The following CCDC62 variants were observed in gnomAD, a reference collection of about 807,000 sequenced individuals.
The protein encoded by CCDC62 is coiled-coil domain-containing protein 62.
In CCDC62, 72 loss-of-function variants were observed where a neutral mutation model predicts 80.8. The observed-to-expected ratio is 0.89, with a 90% CI of 0.74 to 1.08. CCDC62 has a LOEUF of 1.08. CCDC62 is among the 50% of genes least tolerant of loss of function. The pLI is 0.00. For synonymous variants in CCDC62, 286 were observed against 296.5 expected (o/e 0.96, Z 0.36); for missense variants, 704 against 809.4 (o/e 0.87, Z 1.58).
chr12:122,823,486 T>G lies in CCDC62; in HGVS notation c.*40+27T>G, dbSNP rs1158927467. ...TAAGTCACCTTTGCTTATCTCACCT[T>G]ATATCTCAATTAATATTTAATAAGT... is the stretch of plus-strand genomic sequence containing the variant. On this transcript the variant is annotated intron_variant, in intron 12 of 12. Coordinates refer to ENST00000253079, the MANE Select transcript of CCDC62 (RefSeq NM_201435.5). 2.9e-6 allele frequency: 3 copies of G among 1,037,256 alleles called. No individual in the cohort carries two copies. In the Admixed American group the frequency reaches 5.4e-5, roughly 19 times the overall value. 64.3% of individuals were successfully genotyped at this position (1,037,256 alleles called of 1,614,324 possible). A position where few individuals can be genotyped will look rare whatever the true frequency, so the allele number is the denominator to read the frequency against.
rs55716280 is a variant in CCDC62 at position 122,813,355 on chromosome 12, C to T, written c.1937C>T (p.Thr646Met). Residue 646 changes from threonine (T) to methionine (M), a missense_variant, in exon 11 of 13, where the codon ACG (threonine) becomes ATG (methionine). Thr to Met is a moderately conservative substitution (Grantham distance 81, BLOSUM62 -1). Coordinates refer to ENST00000253079, the MANE Select transcript of CCDC62 (RefSeq NM_201435.5). ...RLLAESRQMVTDLELSTLLPI... is the reference protein window; with the variant it reads ...RLLAESRQMVMDLELSTLLPI... ...CTGGCGGAATCTCGTCAGATGGTGA[C>T]GGACCTGGAGCTGAGCACACTGCTG... 40,941 of 1,613,758 alleles carry T rather than the reference C, an allele frequency of 0.025. 755 individuals carry two copies. The highest frequency in any genetic ancestry group is 0.053 in the South Asian group (4,836 of 91,046).
chr12:122,793,411 G>C (rs1423724142), intron 6 of CCDC62, among the ~76,000 whole-genome samples: 1 of 152,092 alleles, frequency 6.6e-6, no homozygotes, highest in African/African-American at 2.4e-5. Context: ...ATGTCAACAA[G>C]CTCTCTATGT....
chr12:122,777,217 T>G (rs1036248291), intron 1 of CCDC62: 1 of 316,786 alleles, frequency 3.2e-6, no homozygotes, highest in Non-Finnish European at 5.9e-6. Flanking sequence ...AGAAATAGGT[T>G]TATTTGTTTA....
chr12:122,806,421 T>G, intron 10 of CCDC62, 126 bp downstream of exon 10: 1 of 621,278 alleles, frequency 1.6e-6, no homozygotes, highest in Non-Finnish European at 2.6e-6. Context: ...TTTTTTTTTT[T>G]TTAATTCTAG....
chr12:122,798,264 C>A (rs76762460), intron 8 of CCDC62, 64 bp downstream of exon 8: 1 of 833,196 alleles, frequency 1.2e-6, no homozygotes, highest in Non-Finnish European at 2.1e-6. Flanking sequence ...GTATTTACTG[C>A]GCACTTACTG....
At chr12:122,786,350 G>A (rs2030232070) in intron 4 of CCDC62, among the ~76,000 whole-genome samples, 1 of 151,738 alleles carries the variant, frequency 6.6e-6, no homozygotes, top group South Asian at 2.1e-4. Context: ...GGGTTTCACC[G>A]TGTTAGCCAG....
At chr12:122,781,469 T>TGCCTC in intron 3 of CCDC62, 139 bp downstream of exon 3, 1 of 722,668 alleles carries the variant, frequency 1.4e-6, no homozygotes, top group Non-Finnish European at 2.3e-6. Flanking sequence ...GTGGATCACC[T>TGCCTC]GAGGTCAGGA....
intron 10 of CCDC62, among the ~76,000 whole-genome samples, chr12:122,812,654 GGA>G (rs1271479098): frequency 1.2e-4 from 11 of 94,362 alleles, no homozygotes; most frequent in South Asian, 3.4e-4. Context: ...TGAGGTGGGT[GGA>G]GCTTGAAGTG....
At chr12:122,807,874 CTT>C (rs1244819495) in intron 10 of CCDC62, among the ~76,000 whole-genome samples, 1 of 152,094 alleles carries the variant, frequency 6.6e-6, no homozygotes, top group Non-Finnish European at 1.5e-5. Flanking sequence ...TTGTGTCCCT[CTT>C]GTTTCTTTCA....
chr12:122,797,109 C>T (rs11837509), intron 6 of CCDC62, among the ~76,000 whole-genome samples, 198 bp from the exon 7 acceptor site: 7 of 152,024 alleles, frequency 4.6e-5, no homozygotes, highest in African/African-American at 1.7e-4. Flanking sequence ...AACTCTTGAC[C>T]TCAAGTGGTC....
chr12:122,808,399 G>A (rs1031797646), intron 10 of CCDC62, among the ~76,000 whole-genome samples: 4 of 152,130 alleles, frequency 2.6e-5, no homozygotes, highest in Non-Finnish European at 4.4e-5. Flanking sequence ...TGTTTCTGGT[G>A]TGCTAGATAA....
At chr12:122,804,426 G>A (rs1266504352) in intron 9 of CCDC62, among the ~76,000 whole-genome samples, 1 of 152,156 alleles carries the variant, frequency 6.6e-6, no homozygotes, top group Non-Finnish European at 1.5e-5. Context: ...GGTGGAGGTT[G>A]CAGTGACCCA....
At chr12:122,820,137 C>T (rs1333445314) in intron 11 of CCDC62, among the ~76,000 whole-genome samples, 1 of 144,066 alleles carries the variant, frequency 6.9e-6, no homozygotes, top group Non-Finnish European at 1.5e-5. Context: ...TGCACAAAGA[C>T]ACAGTGGAAA....
chr12:122,807,947 T>C (rs75477977), intron 10 of CCDC62, among the ~76,000 whole-genome samples: 249 of 152,338 alleles, frequency 1.6e-3, no homozygotes, highest in African/African-American at 5.5e-3. Context: ...TTCCTTTTTG[T>C]TGCTGACAAG....
chr12:122,775,673 C>A (rs779021304), intron 1 of CCDC62, among the ~76,000 whole-genome samples: 3 of 152,152 alleles, frequency 2.0e-5, no homozygotes, highest in Non-Finnish European at 4.4e-5. Flanking sequence ...AGTACAGTGA[C>A]GCAATGTCGG....
intron 11 of CCDC62, among the ~76,000 whole-genome samples, chr12:122,818,733 G>A (rs2032276899): frequency 1.3e-5 from 2 of 152,034 alleles, no homozygotes; most frequent in Non-Finnish European, 2.9e-5. Flanking sequence ...GACCAGCCTG[G>A]GCAAGATAGT....
chr12:122,805,166 T>A (rs1012055240), intron 9 of CCDC62, among the ~76,000 whole-genome samples: 1 of 146,528 alleles, frequency 6.8e-6, no homozygotes, highest in African/African-American at 2.5e-5. Context: ...ATTACAGGCA[T>A]GAGTCACCGC....
intron 4 of CCDC62, among the ~76,000 whole-genome samples, chr12:122,786,147 TTTTG>T (rs1346376931): frequency 1.3e-5 from 2 of 152,100 alleles, no homozygotes; most frequent in African/African-American, 4.8e-5. Flanking sequence ...GAGAGGTTTT[TTTTG>T]TTTTGTTTTG....
At position 122,826,208 on chromosome 12, in the gene CCDC62, G is replaced by A. The variant is rs556068454; in HGVS notation, c.*41-214G>A. Among the ~76,000 whole-genome samples, 28 of 152,162 alleles carry A rather than the reference G, an allele frequency of 1.8e-4. No homozygotes were observed. In the East Asian group the frequency reaches 5.2e-3, roughly 28 times the overall value. ...GCATTTCAAAGACACTGGGGAAGCA[G>A]AGAGCCTGAGCAGCGCCGTCCCCGC... On this transcript the variant is annotated intron_variant, in intron 12 of 12. Transcript: ENST00000253079.
Sources: allele counts gnomAD v4.1 joint callset (sites outside exome capture counted in the v4.1 genomes callset), GRCh38; gene constraint gnomAD v4.1.1; transcripts MANE v1.5; gene names NCBI Gene and HGNC (gene_info 2026-07-23, HGNC 2026-07-21).